Variants in RGS12 observed in about 807,000 individuals in gnomAD.
The protein encoded by RGS12 is regulator of G-protein signaling 12.
In RGS12, 66 loss-of-function variants were observed where a neutral mutation model predicts 120.1. The observed-to-expected ratio is 0.55, with a 90% CI of 0.45 to 0.67. The LOEUF is 0.67. Among genes scored for constraint, RGS12 ranks in the 30% least tolerant of loss-of-function variants. RGS12 has a pLI of 0.00. For synonymous variants in RGS12, 827 were observed against 804.7 expected, an observed-to-expected ratio of 1.03 and a Z score of -0.47; for missense variants, 1,859 against 1,957.7, an observed-to-expected ratio of 0.95 and a Z score of 0.95.
At chr4:3,383,829 G>T (rs1577022520) in intron 3 of RGS12, among the ~76,000 whole-genome samples, 1 of 152,290 alleles carries the variant, frequency 6.6e-6, no homozygotes, top group East Asian at 1.9e-4. Flanking sequence ...TGGCCTCTCA[G>T]TGGGCATCAC....
intron 4 of RGS12, among the ~76,000 whole-genome samples, chr4:3,406,317 C>T (rs6446738): frequency 1.3e-5 from 2 of 152,146 alleles, no homozygotes; most frequent in African/African-American, 4.8e-5. Flanking sequence ...ACATGATGGA[C>T]GGGTGGGCCG....
chr4:3,428,694 AT>A lies in RGS12; in HGVS notation c.3551del (p.Leu1184TrpfsTer26), dbSNP rs1358864135. 1 of 1,594,330 alleles carries A rather than the reference AT, an allele frequency of 6.3e-7. No individual in the cohort carries two copies. Among genetic ancestry groups the A allele is most frequent in the African/African-American group, 1.4e-5 (1 of 73,528 alleles). On this transcript the variant is annotated frameshift_variant, in exon 16 of 18. Transcript: ENST00000336727. LOFTEE classifies it high-confidence loss of function. The stretch of plus-strand genomic sequence containing the variant: ...GGGAAAAAAAAATATCAGAAAATTA[AT>A]TTGGACGAAGCAGAGGGTATGTGAA... ...KIGKKKYQKI[N>X]LDEAEEFFEL...
chr4:3,364,976 A>G (rs1017695463), intron 3 of RGS12, among the ~76,000 whole-genome samples: 4 of 152,088 alleles, frequency 2.6e-5, no homozygotes, highest in Admixed American at 2.6e-4. Context: ...GGCAGAATCC[A>G]GGTGGTCACT....
In RGS12 at chr4:3,417,545, T is replaced by A. The variant is rs1215878174; in HGVS notation, c.2761+4T>A. 1 of 1,612,096 alleles carries A rather than the reference T, an allele frequency of 6.2e-7. No homozygotes were observed. Among genetic ancestry groups the A allele is most frequent in the Admixed American group, 1.7e-5 (1 of 59,988 alleles). On this transcript the variant is annotated splice_donor_region_variant and intron_variant, in intron 9 of 17. Coordinates refer to ENST00000336727, the MANE Select transcript of RGS12 (RefSeq NM_001394154.1). ...GAGCACGGGGACCACGCAGACGGTT[T>A]GTGGGGTGGCTCCTGGGCTGTGGTG...
intron 2 of RGS12, among the ~76,000 whole-genome samples, chr4:3,326,148 A>G (rs1023686589): frequency 3.6e-4 from 55 of 152,242 alleles, no homozygotes; most frequent in African/African-American, 1.2e-3. Flanking sequence ...CCTATTCAAC[A>G]TAGTACTGGA....
At chr4:3,357,599 G>A (rs116662289) in intron 3 of RGS12, among the ~76,000 whole-genome samples, 4,881 of 152,044 alleles carry the variant, frequency 0.032, 239 homozygotes, top group African/African-American at 0.11. Context: ...TCCTTTTCCC[G>A]GCACCATTTA....
intron 7 of RGS12, 132 bp downstream of exon 7, chr4:3,416,253 AG>A (rs1722387699): frequency 1.9e-6 from 2 of 1,053,614 alleles, no homozygotes; most frequent in African/African-American, 3.2e-5. Flanking sequence ...AGAGAAACGC[AG>A]ACAGAAAGTG....
chr4:3,343,835 T>TGCA (rs1373078798), intron 3 of RGS12, among the ~76,000 whole-genome samples: 1 of 152,220 alleles, frequency 6.6e-6, no homozygotes, highest in African/African-American at 2.4e-5. Flanking sequence ...TTTATACAGG[T>TGCA]GCAGCTGTAT....
chr4:3,437,345 C>T (rs1472796120), intron 17 of RGS12, among the ~76,000 whole-genome samples: 1 of 152,216 alleles, frequency 6.6e-6, no homozygotes, highest in Admixed American at 6.5e-5. Flanking sequence ...GGCCTGTCCT[C>T]CCATCTGTCC....
At chr4:3,415,594 C>T (rs1283828241) in intron 6 of RGS12, among the ~76,000 whole-genome samples, 1 of 152,210 alleles carries the variant, frequency 6.6e-6, no homozygotes, top group Non-Finnish European at 1.5e-5. Context: ...GCTGTTTCCT[C>T]AGTTGGCCTG....
intron 9 of RGS12, 143 bp from the exon 10 acceptor site, chr4:3,420,499 G>A (rs1157714022): frequency 7.0e-5 from 54 of 769,788 alleles, no homozygotes; most frequent in Non-Finnish European, 1.1e-4. Flanking sequence ...CACCAGAGAC[G>A]GCAAAGTGAT....
intron 1 of RGS12, chr4:3,312,845 G>A (rs1451242141): frequency 5.1e-6 from 1 of 195,156 alleles, no homozygotes. Context: ...TTCCAAGGAA[G>A]ACAAGCTGAA....
intron 10 of RGS12, among the ~76,000 whole-genome samples, chr4:3,421,752 G>A (rs1013954186): frequency 3.3e-5 from 5 of 152,222 alleles, no homozygotes; most frequent in Admixed American, 6.5e-5. Flanking sequence ...CGCTCCTTCT[G>A]CCCACCCAGG....
intron 2 of RGS12, among the ~76,000 whole-genome samples, chr4:3,330,957 G>C (rs1004157405): frequency 6.6e-6 from 1 of 152,236 alleles, no homozygotes; most frequent in East Asian, 1.9e-4. Flanking sequence ...TAGTCATGTA[G>C]CTTTGCCTAG....
At chr4:3,329,353 C>G (rs564280758) in intron 2 of RGS12, among the ~76,000 whole-genome samples, 203 of 152,214 alleles carry the variant, frequency 1.3e-3, no homozygotes, top group Admixed American at 2.6e-3. Flanking sequence ...GGGGTCAGGG[C>G]AAGGGATGAC....
At chr4:3,362,017 C>T (rs558175827) in intron 3 of RGS12, among the ~76,000 whole-genome samples, 4 of 152,294 alleles carry the variant, frequency 2.6e-5, no homozygotes, top group Admixed American at 2.6e-4. Flanking sequence ...GTAGCGCTCC[C>T]CCTCGTCACC....
intron 2 of RGS12, among the ~76,000 whole-genome samples, chr4:3,336,904 A>C (rs1712536668): frequency 6.6e-6 from 1 of 152,174 alleles, no homozygotes; most frequent in African/African-American, 2.4e-5. Flanking sequence ...AATGGGCAAA[A>C]GTCCAGTGTG....
intron 3 of RGS12, among the ~76,000 whole-genome samples, chr4:3,379,333 AT>A (rs1463849465): frequency 1.3e-5 from 2 of 152,098 alleles, no homozygotes; most frequent in African/African-American, 4.8e-5. Context: ...TATGCTTGAA[AT>A]TTGCTAAGAG....
At chr4:3,400,886 T>C (rs1333280149) in intron 4 of RGS12, among the ~76,000 whole-genome samples, 3 of 151,280 alleles carry the variant, frequency 2.0e-5, no homozygotes, top group Non-Finnish European at 4.4e-5. Context: ...AAAATTCCTA[T>C]TAGAGCCAGG....
Sources: gnomAD v4.1 joint callset for allele counts (sites outside exome capture counted in the v4.1 genomes callset) on GRCh38, gnomAD v4.1.1 for gene constraint, MANE v1.5 for transcripts, NCBI Gene and HGNC (gene_info 2026-07-23, HGNC 2026-07-21) for gene names.